The following ANXA8 variants were observed in gnomAD, a reference collection of about 807,000 sequenced individuals.
The protein encoded by ANXA8 is VAC-beta.
A neutral mutation model predicts 26.8 loss-of-function variants in ANXA8; 9 were observed. The ratio of observed to expected loss-of-function variants is 0.34; its 90% CI spans 0.20 to 0.59. The LOEUF (loss-of-function observed/expected upper bound fraction) is 0.59, where lower values mean the gene tolerates loss of function less well. Ranked by LOEUF, ANXA8 falls within the 20% of genes least tolerant of loss-of-function variation. ANXA8 has a pLI of 0.84. For missense variants in ANXA8, 83 were observed against 238.5 expected, an observed-to-expected ratio of 0.35 and a Z score of 4.29; for synonymous variants, 39 against 94.8, an observed-to-expected ratio of 0.41 and a Z score of 3.42.
the ANXA8 span, among the ~76,000 whole-genome samples, chr10:47,525,372 C>T: frequency 7.0e-6 from 1 of 141,970 alleles, no homozygotes; most frequent in South Asian, 2.2e-4. Flanking sequence ...TGCCATGGCA[C>T]TCCTGCCTGG....
At chr10:47,723,900 C>CCAT in the ANXA8 span, among the ~76,000 whole-genome samples, 1 of 120,648 alleles carries the variant, frequency 8.3e-6, no homozygotes, top group Non-Finnish European at 1.8e-5. Flanking sequence ...AAATGGCACA[C>CCAT]CATCTACCCA....
At chr10:47,985,033 G>A in the ANXA8 span, among the ~76,000 whole-genome samples, 1 of 147,938 alleles carries the variant, frequency 6.8e-6, no homozygotes, top group Non-Finnish European at 1.5e-5. Flanking sequence ...ATGATGAAAG[G>A]ACAAGCTATG....
chr10:47,516,637 C>T, the ANXA8 span, among the ~76,000 whole-genome samples: 4 of 137,876 alleles, frequency 2.9e-5, 1 homozygote, highest in Non-Finnish European at 6.1e-5. Flanking sequence ...GAAAAGCAGA[C>T]ATTGAGCATA....
chr10:47,979,044 T>C, the ANXA8 span, among the ~76,000 whole-genome samples: 45 of 151,726 alleles, frequency 3.0e-4, no homozygotes, highest in African/African-American at 1.0e-3. Flanking sequence ...GTAGACCAAA[T>C]AGACTCTTAA....
At chr10:47,490,268 G>T in the ANXA8 span, 3,107 of 157,870 alleles carry the variant, frequency 0.02, no homozygotes, top group African/African-American at 0.073. Flanking sequence ...AGAAGAAATG[G>T]TTCTTATTCT....
At chr10:47,892,400 G>T in the ANXA8 span, among the ~76,000 whole-genome samples, 1 of 116,272 alleles carries the variant, frequency 8.6e-6, no homozygotes, top group South Asian at 4.1e-4. Flanking sequence ...TGGGAGAGGG[G>T]TAGAAAAGGT....
the ANXA8 span, among the ~76,000 whole-genome samples, chr10:47,677,414 G>A: frequency 6.6e-6 from 1 of 151,686 alleles, no homozygotes; most frequent in Non-Finnish European, 1.5e-5. Flanking sequence ...AAAAATACAT[G>A]AAACAACTGT....
the ANXA8 span, among the ~76,000 whole-genome samples, chr10:47,572,601 C>T: frequency 6.0e-5 from 9 of 150,056 alleles, no homozygotes; most frequent in African/African-American, 2.0e-4. Flanking sequence ...CCTGTAATCC[C>T]AGCTACTCAG....
At chr10:47,657,558 A>C in the ANXA8 span, among the ~76,000 whole-genome samples, 1 of 151,586 alleles carries the variant, frequency 6.6e-6, no homozygotes, top group Non-Finnish European at 1.5e-5. Flanking sequence ...GATGAGGATA[A>C]TATCTTGCAG....
the ANXA8 span, among the ~76,000 whole-genome samples, chr10:47,749,765 A>G: frequency 6.7e-6 from 1 of 150,074 alleles, no homozygotes; most frequent in South Asian, 2.1e-4. Flanking sequence ...GGAAACAAGT[A>G]GTAAGATGGT....
the ANXA8 span, among the ~76,000 whole-genome samples, chr10:47,762,403 G>A: frequency 4.0e-5 from 5 of 123,488 alleles, no homozygotes; most frequent in African/African-American, 1.5e-4. Flanking sequence ...CAGGTCTCAG[G>A]GATCTGCACT....
At chr10:47,485,662 C>A (rs1245006291), upstream of ANXA8, among the ~76,000 whole-genome samples, 1 of 151,932 alleles carries the variant, frequency 6.6e-6, no homozygotes, top group African/African-American at 2.4e-5. Flanking sequence ...CAAATTACTT[C>A]TCTTTTTTTT....
the ANXA8 span, among the ~76,000 whole-genome samples, chr10:47,563,852 G>A: frequency 6.6e-6 from 1 of 151,812 alleles, no homozygotes; most frequent in Non-Finnish European, 1.5e-5. Flanking sequence ...TTAAGATATA[G>A]CCTTTTTTTA....
the ANXA8 span, among the ~76,000 whole-genome samples, chr10:47,604,399 TAATA>T: frequency 2.0e-5 from 3 of 147,548 alleles, no homozygotes; most frequent in African/African-American, 7.5e-5. Flanking sequence ...AAATTATACT[TAATA>T]ATGTAGTACA....
chr10:47,700,362 A>G, the ANXA8 span, among the ~76,000 whole-genome samples: 1 of 151,928 alleles, frequency 6.6e-6, no homozygotes, highest in East Asian at 1.9e-4. Flanking sequence ...ACATATAGCA[A>G]TTTAATATAT....
the ANXA8 span, among the ~76,000 whole-genome samples, chr10:47,591,434 A>ATTT: frequency 2.5e-4 from 15 of 60,210 alleles, 1 homozygote; most frequent in Non-Finnish European, 3.5e-4. Context: ...TTCTTTCTGA[A>ATTT]TTTTTTTTTT....
At chr10:47,953,583 C>T in the ANXA8 span, among the ~76,000 whole-genome samples, 1 of 150,512 alleles carries the variant, frequency 6.6e-6, no homozygotes, top group African/African-American at 2.5e-5. Context: ...AAAAGCTGCA[C>T]AGCAAAGGAA....
chr10:47,918,383 G>GAGAA, the ANXA8 span, among the ~76,000 whole-genome samples: 1,914 of 10,494 alleles, frequency 0.18, 521 homozygotes, highest in Middle Eastern at 0.3. Flanking sequence ...GAGAGAGAGA[G>GAGAA]AGAAAGAAAG....
At chr10:47,967,005 T>C in the ANXA8 span, among the ~76,000 whole-genome samples, 1 of 149,748 alleles carries the variant, frequency 6.7e-6, no homozygotes, top group South Asian at 2.1e-4. Context: ...CCAAATGGAG[T>C]TATCATATTA....
Sources: allele counts gnomAD v4.1 joint callset (sites outside exome capture counted in the v4.1 genomes callset), GRCh38; gene constraint gnomAD v4.1.1; transcripts MANE v1.5; gene names NCBI Gene and HGNC (gene_info 2026-07-23, HGNC 2026-07-21).